C4orf50: variants seen among roughly 807,000 people sequenced by gnomAD.
The protein encoded by C4orf50 is chromosome 4 open reading frame 50, also known as uncharacterized protein C4orf50.
C4orf50 carries 80 observed loss-of-function variants against 77.2 expected under a neutral mutation model. The observed-to-expected ratio is 1.04, with a 90% confidence interval of 0.87 to 1.25. The LOEUF is 1.25. C4orf50 is among the 50% of genes most tolerant of loss of function. The pLI is 0.00. For synonymous variants in C4orf50, 532 were observed against 465.3 expected (o/e 1.14, Z -1.84); for missense variants, 1,257 against 1,152.9 (o/e 1.09, Z -1.31).
intron 25 of C4orf50, among the ~76,000 whole-genome samples, chr4:5,994,817 T>TAG (rs1311369447): frequency 6.6e-6 from 1 of 152,168 alleles, no homozygotes; most frequent in Non-Finnish European, 1.5e-5. Flanking sequence ...CGTGGCCTGT[T>TAG]AGGACCTGGG....
At chr4:5,975,360 G>C (rs930337600) in intron 30 of C4orf50, among the ~76,000 whole-genome samples, 5 of 152,066 alleles carry the variant, frequency 3.3e-5, no homozygotes, top group African/African-American at 1.2e-4. Context: ...CCATCGAGTG[G>C]GAACAGCAGG....
At chr4:6,010,783 G>A (rs570071936) in intron 24 of C4orf50, among the ~76,000 whole-genome samples, 1 of 152,330 alleles carries the variant, frequency 6.6e-6, no homozygotes, top group Admixed American at 6.5e-5. Flanking sequence ...TTTCCTAAAA[G>A]TGGCCTGCCC....
At chr4:5,980,061 T>A in intron 29 of C4orf50, 113 bp downstream of exon 7, 2 of 750,674 alleles carry the variant, frequency 2.7e-6, no homozygotes, top group East Asian at 3.2e-5. Context: ...ATCCAGTACC[T>A]GCTCCCAACT....
At chr4:5,974,763 A>G (rs1359952787) in intron 30 of C4orf50, among the ~76,000 whole-genome samples, 1 of 152,078 alleles carries the variant, frequency 6.6e-6, no homozygotes, top group Admixed American at 6.5e-5. Context: ...AATATATTAA[A>G]CCCCATGGGT....
At chr4:5,912,375 A>G (rs78524487) in intron 7 of C4orf50, among the ~76,000 whole-genome samples, 2,722 of 152,220 alleles carry the variant, frequency 0.018, 77 homozygotes, top group African/African-American at 0.062. Context: ...TGCAAATGTA[A>G]TAGGAAAAAA....
At chr4:5,961,843 G>A (rs930289567) in intron 33 of C4orf50, among the ~76,000 whole-genome samples, 1 of 151,598 alleles carries the variant, frequency 6.6e-6, no homozygotes, top group Non-Finnish European at 1.5e-5. Context: ...AAGCTCAACC[G>A]TACAGTAATA....
In C4orf50 at chr4:6,017,936, G is replaced by A. The variant is rs1722739804; in HGVS notation, c.287+209C>T. On this transcript the variant is annotated intron_variant, in intron 23 of 33. Transcript: ENST00000531445. The surrounding 1 kb of genome is among the most constrained non-coding windows in gnomAD (Gnocchi z 4.7). Reference sequence around the variant, plus strand: ...GCACCTAAATGGAAGCCTTTGAGCAGAGGAGCCCGGGCAGCCTCATCTGCA... The same window carrying A: ...GCACCTAAATGGAAGCCTTTGAGCAAAGGAGCCCGGGCAGCCTCATCTGCA... 6.6e-6 allele frequency among the ~76,000 whole-genome samples: 1 copy of A among 152,172 alleles called. No individual in the cohort carries two copies. Among genetic ancestry groups the A allele is most frequent in the Non-Finnish European group, 1.5e-5 (1 of 68,036 alleles).
intron 7 of C4orf50, among the ~76,000 whole-genome samples, chr4:5,937,492 A>G (rs1218291647): frequency 2.0e-5 from 3 of 152,192 alleles, no homozygotes; most frequent in Non-Finnish European, 1.5e-5. Context: ...GAAGCATAGC[A>G]AAGGCAGGGT....
At chr4:5,925,851 G>T (rs1418201149) in intron 7 of C4orf50, among the ~76,000 whole-genome samples, 1 of 152,188 alleles carries the variant, frequency 6.6e-6, no homozygotes, top group Non-Finnish European at 1.5e-5. Flanking sequence ...CCAGGTGATG[G>T]AAGTTGGGAA....
chr4:6,003,822 GTGA>G (rs201103269), intron 25 of C4orf50, among the ~76,000 whole-genome samples: 14,537 of 72,164 alleles, frequency 0.2, 1,267 homozygotes, highest in East Asian at 0.55. Context: ...GGTGATGATG[GTGA>G]TGGTGATGAT....
chr4:5,920,395 T>C (rs1194576952), intron 7 of C4orf50, among the ~76,000 whole-genome samples: 1 of 151,906 alleles, frequency 6.6e-6, no homozygotes. Context: ...TAACAGGGTC[T>C]GGAACATGGC....
chr4:6,017,945 G>A lies in C4orf50; in HGVS notation c.287+200C>T, dbSNP rs1019771930. Among the ~76,000 whole-genome samples the A allele has an allele frequency of 1.3e-5, 2 of 152,148 alleles. No homozygotes were observed. The highest frequency in any genetic ancestry group is 6.5e-5 in the Admixed American group (1 of 15,276). ...TGGAAGCCTTTGAGCAGAGGAGCCC[G>A]GGCAGCCTCATCTGCAGGTACAGAG... On this transcript the variant is annotated intron_variant, in intron 23 of 33. Transcript: ENST00000531445. The surrounding 1 kb of genome is among the most constrained non-coding windows in gnomAD (Gnocchi z 4.7).
chr4:5,974,942 C>T (rs1401722631), intron 30 of C4orf50, among the ~76,000 whole-genome samples: 1 of 151,794 alleles, frequency 6.6e-6, no homozygotes, highest in East Asian at 1.9e-4. Context: ...GAGTTCGAGA[C>T]CACCCTGGCC....
At chr4:5,950,601 C>T (rs1359862653) in intron 7 of C4orf50, among the ~76,000 whole-genome samples, 1 of 152,204 alleles carries the variant, frequency 6.6e-6, no homozygotes, top group Non-Finnish European at 1.5e-5. Flanking sequence ...TGCCTTCCTT[C>T]TTCAACCAGT....
rs376631509 is a variant in C4orf50, at chr4:5,993,166, A to G, written c.1094-236T>C. 2.0e-5 allele frequency among the ~76,000 whole-genome samples: 3 copies of G among 152,120 alleles called. No homozygotes were observed. In the East Asian group the frequency reaches 5.8e-4, roughly 29 times the overall value. On this transcript the variant is annotated intron_variant, in intron 26 of 33. Transcript: ENST00000531445. Reference sequence around the variant, plus strand: ...GGCAGAGACCCCAGGGCTCCATGCCACCTCTGCGGCCCACAGACTCCTGCA... The same window carrying G: ...GGCAGAGACCCCAGGGCTCCATGCCGCCTCTGCGGCCCACAGACTCCTGCA...
chr4:5,939,648 C>T (rs1344439779), intron 7 of C4orf50, among the ~76,000 whole-genome samples: 2 of 152,108 alleles, frequency 1.3e-5, no homozygotes, highest in Non-Finnish European at 1.5e-5. Context: ...ATGTGGCAAA[C>T]GTCTGGAGGA....
intron 7 of C4orf50, among the ~76,000 whole-genome samples, chr4:5,922,590 G>A (rs539664051): frequency 5.9e-5 from 9 of 152,292 alleles, no homozygotes; most frequent in African/African-American, 1.9e-4. Context: ...AGAGGGCTTC[G>A]GGGAGAGTGC....
At position 5,908,232 on chromosome 4, in the gene C4orf50, T is replaced by C. The variant is rs1560535888; in HGVS notation, c.*2475-10044A>G. On this transcript the variant is annotated intron_variant, in intron 7 of 7. Coordinates refer to the C4orf50 transcript ENST00000324058. This position sits in a 1 kb window ranked among gnomAD's most constrained non-coding sequence, Gnocchi z 5.6. Reference sequence around the variant, plus strand: ...AAAACAGACAAGCAAGCAAGTATAATGCCAGAACAGAAGGAAATGCTGGGT... The same window carrying C: ...AAAACAGACAAGCAAGCAAGTATAACGCCAGAACAGAAGGAAATGCTGGGT... Among the ~76,000 whole-genome samples, 12 of 152,096 alleles carry C rather than the reference T, an allele frequency of 7.9e-5. No individual in the cohort carries two copies. The South Asian group carries it at 2.5e-3, about 31-fold the overall frequency.
Position 6,008,530 on chromosome 4 carries a change from G to T in C4orf50, c.429C>A (p.Ile143=), listed in dbSNP as rs1722350935. 1 of 397,924 alleles carries T rather than the reference G, an allele frequency of 2.5e-6. No homozygotes were observed. Among genetic ancestry groups the T allele is most frequent in the Non-Finnish European group, 4.4e-6 (1 of 225,556 alleles). The allele number at this position is 397,924 out of a possible 1,614,324, so 24.6% of individuals were successfully genotyped here. ...GCCGCCTGGCCACGCTCTCCTCCCG[G>T]ATCTACAAGTTGGCGGTGGATGAGG... The change falls in exon 25 of 34, where the codon ATC becomes ATA. Residue 143 remains isoleucine (I), a splice_region_variant and synonymous_variant. Coordinates refer to ENST00000531445, the Ensembl canonical transcript of C4orf50. The surrounding 1 kb of genome is among the most constrained non-coding windows in gnomAD (Gnocchi z 6.0).
Sources: allele counts gnomAD v4.1 joint callset (sites outside exome capture counted in the v4.1 genomes callset), GRCh38; gene constraint gnomAD v4.1.1; non-coding constraint Gnocchi (gnomAD v3.1); transcripts MANE v1.5; gene names NCBI Gene and HGNC (gene_info 2026-07-23, HGNC 2026-07-21).